Variants in NEGR1 observed in about 807,000 individuals in gnomAD.
NEGR1 encodes the protein neuronal growth regulator 1.
A neutral mutation model predicts 40.9 loss-of-function variants in NEGR1; 10 were observed. The observed-to-expected ratio is 0.24, with a 90% confidence interval of 0.15 to 0.42. NEGR1 has a LOEUF of 0.42. Among genes scored for constraint, NEGR1 ranks in the 10% least tolerant of loss-of-function variants. The pLI, the probability that NEGR1 is intolerant of heterozygous loss-of-function variation, is 1.00. For missense variants in NEGR1, 352 were observed against 438.9 expected (o/e 0.80, Z 1.77); for synonymous variants, 185 against 166.8 (o/e 1.11, Z -0.84).
At chr1:72,115,303 TG>T (rs1335360658) in intron 1 of NEGR1, among the ~76,000 whole-genome samples, 1 of 151,738 alleles carries the variant, frequency 6.6e-6, no homozygotes, top group Non-Finnish European at 1.5e-5. Flanking sequence ...AAGTTAGGCA[TG>T]GAGGCATTCT....
intron 4 of NEGR1, among the ~76,000 whole-genome samples, chr1:71,619,041 A>T (rs1319105300): frequency 6.6e-6 from 1 of 152,154 alleles, no homozygotes; most frequent in Non-Finnish European, 1.5e-5. Flanking sequence ...GTACTCACAG[A>T]TTTCATGTAA....
rs191395658 is a variant in NEGR1 at position 71,500,365 on chromosome 1, G to C, written c.940+92452C>G. On this transcript the variant is annotated intron_variant, in intron 6 of 6. Transcript: ENST00000357731. The stretch of plus-strand genomic sequence containing the variant: ...TAATCACTTTCTTTATTTTATCTTA[G>C]TCTGAACTTTCCACCAGGACTCTAG... 3.3e-5 allele frequency among the ~76,000 whole-genome samples: 5 copies of C among 151,788 alleles called. No homozygotes were observed. The East Asian group carries it at 9.7e-4, about 29-fold the overall frequency.
chr1:71,444,093 T>C (rs534339660), intron 6 of NEGR1, among the ~76,000 whole-genome samples: 1 of 152,316 alleles, frequency 6.6e-6, no homozygotes, highest in South Asian at 2.1e-4. Flanking sequence ...CAGATCTCAC[T>C]AATATGCATA....
At chr1:71,850,471 C>G (rs1190113784) in intron 2 of NEGR1, among the ~76,000 whole-genome samples, 1 of 151,978 alleles carries the variant, frequency 6.6e-6, no homozygotes, top group African/African-American at 2.4e-5. Flanking sequence ...ATTGTCTTGT[C>G]AAGAATATGT....
At chr1:71,808,109 T>C (rs1175160244) in intron 2 of NEGR1, among the ~76,000 whole-genome samples, 1 of 152,120 alleles carries the variant, frequency 6.6e-6, no homozygotes. Flanking sequence ...CATACAACTT[T>C]TTGCAAGAAA....
chr1:71,730,922 G>A (rs886139074), intron 3 of NEGR1, among the ~76,000 whole-genome samples: 2 of 141,308 alleles, frequency 1.4e-5, no homozygotes, highest in South Asian at 2.3e-4. Context: ...GTGTGTGTGT[G>A]TATGTAACTT....
chr1:71,524,402 G>C (rs1019379028), intron 6 of NEGR1, among the ~76,000 whole-genome samples: 5 of 147,426 alleles, frequency 3.4e-5, no homozygotes, highest in African/African-American at 1.2e-4. Flanking sequence ...TGGTAATATG[G>C]CTTGATAAAT....
intron 2 of NEGR1, among the ~76,000 whole-genome samples, chr1:71,804,768 G>T (rs988138966): frequency 2.0e-5 from 3 of 152,210 alleles, no homozygotes; most frequent in Non-Finnish European, 4.4e-5. Flanking sequence ...TGCACAAATT[G>T]TTTGTAGAGC....
At chr1:71,592,746 G>C in intron 6 of NEGR1, 71 bp downstream of exon 6, 1 of 1,233,006 alleles carries the variant, frequency 8.1e-7, no homozygotes, top group Non-Finnish European at 1.1e-6. Flanking sequence ...TCCATTCTTA[G>C]GTTTTATCTC....
At chr1:71,694,246 CGTGT>C (rs143959665) in intron 4 of NEGR1, among the ~76,000 whole-genome samples, 3 of 149,194 alleles carry the variant, frequency 2.0e-5, no homozygotes, top group African/African-American at 2.4e-5. Context: ...TTTTTTTTCT[CGTGT>C]GTGTGTGTGT....
chr1:71,479,366 G>C (rs1030265358), intron 6 of NEGR1, among the ~76,000 whole-genome samples: 23 of 151,706 alleles, frequency 1.5e-4, no homozygotes, highest in Admixed American at 1.4e-3. Flanking sequence ...CCCTGACAGG[G>C]GACTGAAAAA....
chr1:71,495,800 C>T (rs1324201213), intron 6 of NEGR1, among the ~76,000 whole-genome samples: 2 of 152,082 alleles, frequency 1.3e-5, no homozygotes, highest in Non-Finnish European at 2.9e-5. Flanking sequence ...GTGATACTGG[C>T]AAGAAGGCAT....
intron 6 of NEGR1, among the ~76,000 whole-genome samples, chr1:71,469,224 T>C (rs1646766715): frequency 6.6e-6 from 1 of 152,074 alleles, no homozygotes; most frequent in African/African-American, 2.4e-5. Context: ...AACTAAACGA[T>C]GTGTCTTTAT....
intron 4 of NEGR1, among the ~76,000 whole-genome samples, chr1:71,661,642 A>G (rs1218556624): frequency 6.6e-6 from 1 of 152,246 alleles, no homozygotes; most frequent in Admixed American, 6.5e-5. Flanking sequence ...TAAAATAAGT[A>G]CATGTTCAAA....
chr1:72,241,065 T>C (rs1654716247), intron 1 of NEGR1, among the ~76,000 whole-genome samples: 1 of 151,864 alleles, frequency 6.6e-6, no homozygotes, highest in Non-Finnish European at 1.5e-5. Flanking sequence ...TATCATTGTT[T>C]ACAAAAGTGG....
chr1:71,830,358 A>T (rs1366931930), intron 2 of NEGR1, among the ~76,000 whole-genome samples: 2 of 151,916 alleles, frequency 1.3e-5, no homozygotes, highest in Non-Finnish European at 2.9e-5. Flanking sequence ...TGTGAACCAT[A>T]ATATCTGTCA....
chr1:71,663,687 G>A (rs1354461761), intron 4 of NEGR1, among the ~76,000 whole-genome samples: 5 of 152,008 alleles, frequency 3.3e-5, no homozygotes, highest in African/African-American at 9.7e-5. Flanking sequence ...TTAGAAAATT[G>A]AACTCAATTC....
At chr1:72,040,577 C>CAAAAAAAAAAAAAAAAAAAAAA (rs5775102) in intron 1 of NEGR1, among the ~76,000 whole-genome samples, 6 of 29,706 alleles carry the variant, frequency 2.0e-4, no homozygotes, top group East Asian at 1.3e-3. Context: ...GAGCACTGAC[C>CAAAAAAAAAAAAAAAAAAAAAA]AAAAAAAAAA....
At chr1:72,275,200 T>C (rs906044855) in intron 1 of NEGR1, 1 of 603,406 alleles carries the variant, frequency 1.7e-6, no homozygotes, top group East Asian at 2.7e-5. Context: ...AGAAAATACA[T>C]CTTCACAAAA....
Sources: gnomAD v4.1 joint callset for allele counts (sites outside exome capture counted in the v4.1 genomes callset) on GRCh38, gnomAD v4.1.1 for gene constraint, MANE v1.5 for transcripts, NCBI Gene and HGNC (gene_info 2026-07-23, HGNC 2026-07-21) for gene names.